Variants in SLC44A5 observed in about 807,000 individuals in gnomAD.
SLC44A5 encodes the protein solute carrier family 44 member 5, also known as choline transporter-like protein 5.
A neutral mutation model predicts 101.8 loss-of-function variants in SLC44A5; 57 were observed. That is an observed-to-expected ratio of 0.56 (90% CI 0.45 to 0.70). SLC44A5 has a LOEUF of 0.70. Ranked by LOEUF, SLC44A5 falls within the 30% of genes least tolerant of loss-of-function variation. The pLI is 0.00. For missense variants in SLC44A5, 737 were observed against 853.1 expected (o/e 0.86, Z 1.70); for synonymous variants, 281 against 290.9 (o/e 0.97, Z 0.35).
At chr1:75,503,520 A>C (rs560090190) in intron 2 of SLC44A5, among the ~76,000 whole-genome samples, 2 of 152,290 alleles carry the variant, frequency 1.3e-5, no homozygotes, top group East Asian at 3.9e-4. Context: ...AGGCGTCCCC[A>C]GTCATGCCTC....
chr1:75,665,711 T>C, the SLC44A5 span, among the ~76,000 whole-genome samples: 2 of 152,132 alleles, frequency 1.3e-5, no homozygotes, highest in Non-Finnish European at 2.9e-5. Flanking sequence ...CACAAACTAC[T>C]CATCCTAGAA....
the SLC44A5 span, among the ~76,000 whole-genome samples, chr1:75,658,555 C>A: frequency 6.6e-6 from 1 of 152,052 alleles, no homozygotes; most frequent in Admixed American, 6.6e-5. Context: ...ATTAAGAAAG[C>A]AATTACAACA....
At chr1:75,720,498 T>C in the SLC44A5 span, 1 of 152,216 alleles carries the variant, frequency 6.6e-6, no homozygotes, top group Admixed American at 6.5e-5. Context: ...GGCAAAAATG[T>C]AGATGAAAGA....
the SLC44A5 span, among the ~76,000 whole-genome samples, chr1:75,692,185 C>CTTT: frequency 0.23 from 19,829 of 84,784 alleles, 3,609 homozygotes; most frequent in Non-Finnish European, 0.28. Context: ...AGATGGGATT[C>CTTT]TTTTTTTTTT....
At chr1:75,570,761 T>C (rs1039741254) in intron 1 of SLC44A5, among the ~76,000 whole-genome samples, 2 of 152,148 alleles carry the variant, frequency 1.3e-5, no homozygotes, top group Non-Finnish European at 2.9e-5. Context: ...GAAGTAAGAC[T>C]GCCTAAAACC....
the SLC44A5 span, among the ~76,000 whole-genome samples, chr1:75,634,841 C>A: frequency 1.3e-5 from 2 of 152,038 alleles, no homozygotes; most frequent in Non-Finnish European, 2.9e-5. Flanking sequence ...TTCTGCACAG[C>A]AAAAGAAACT....
intron 23 of SLC44A5, among the ~76,000 whole-genome samples, chr1:75,211,112 C>T (rs1345870485): frequency 1.3e-5 from 2 of 152,068 alleles, no homozygotes; most frequent in Non-Finnish European, 2.9e-5. Flanking sequence ...ATGTGAGTGC[C>T]ATAATTTATT....
At chr1:75,539,484 G>C (rs1001317337) in intron 2 of SLC44A5, among the ~76,000 whole-genome samples, 1 of 152,014 alleles carries the variant, frequency 6.6e-6, no homozygotes, top group South Asian at 2.1e-4. Context: ...TCCAAGTGTT[G>C]TCCTATGAGT....
intron 2 of SLC44A5, among the ~76,000 whole-genome samples, chr1:75,450,437 T>C (rs1167443194): frequency 6.6e-6 from 1 of 152,220 alleles, no homozygotes; most frequent in Non-Finnish European, 1.5e-5. Context: ...AGCATTGCCA[T>C]GTAGGCACTT....
At chr1:75,654,246 A>C in the SLC44A5 span, among the ~76,000 whole-genome samples, 1 of 152,244 alleles carries the variant, frequency 6.6e-6, no homozygotes, top group East Asian at 1.9e-4. Flanking sequence ...GAATTATAAA[A>C]GGTTCTCGCT....
chr1:75,441,656 T>G (rs2101627985), intron 2 of SLC44A5, among the ~76,000 whole-genome samples: 1 of 152,188 alleles, frequency 6.6e-6, no homozygotes, highest in Non-Finnish European at 1.5e-5. Context: ...CTTCTAAAAC[T>G]TAAGAACACA....
chr1:75,612,307 TA>T (rs145556929), upstream of SLC44A5, among the ~76,000 whole-genome samples: 880 of 152,250 alleles, frequency 5.8e-3, 8 homozygotes, highest in African/African-American at 0.02. Flanking sequence ...TCATTGCACT[TA>T]AACTCTATAT....
intron 10 of SLC44A5, among the ~76,000 whole-genome samples, chr1:75,238,220 G>A (rs1184235361): frequency 6.7e-6 from 1 of 150,006 alleles, no homozygotes; most frequent in African/African-American, 2.4e-5. Flanking sequence ...GCTTGAACCG[G>A]GAAGGTGGAG....
At chr1:75,259,536 G>C (rs1319951642) in intron 6 of SLC44A5, among the ~76,000 whole-genome samples, 4 of 152,162 alleles carry the variant, frequency 2.6e-5, no homozygotes, top group African/African-American at 9.7e-5. Context: ...TATGTGAAAA[G>C]ACCAAATATA....
At chr1:75,313,654 G>A (rs1047462002) in intron 4 of SLC44A5, among the ~76,000 whole-genome samples, 1 of 152,092 alleles carries the variant, frequency 6.6e-6, no homozygotes, top group South Asian at 2.1e-4. Flanking sequence ...TGTATTTAAG[G>A]GAGCAAAGAC....
At chr1:75,259,406 G>A (rs1015491056) in intron 6 of SLC44A5, among the ~76,000 whole-genome samples, 1 of 152,060 alleles carries the variant, frequency 6.6e-6, no homozygotes, top group African/African-American at 2.4e-5. Context: ...TAGCAGAATC[G>A]ATCAAGTGGA....
intron 5 of SLC44A5, among the ~76,000 whole-genome samples, chr1:75,288,140 A>G (rs1158748059): frequency 1.3e-5 from 2 of 152,204 alleles, no homozygotes; most frequent in East Asian, 3.8e-4. Flanking sequence ...AAATAATTTC[A>G]CCATCTTTCT....
rs182166304 is a variant in SLC44A5, at chr1:75,261,028, T to G, written c.261-9734A>C. Among the ~76,000 whole-genome samples, 274 of 152,240 alleles carry G rather than the reference T, an allele frequency of 1.8e-3. 2 individuals are homozygous for G. The highest frequency in any genetic ancestry group is 6.4e-3 in the African/African-American group (264 of 41,530). ...TCTCTGGGACACATTTAAAGCAGTCTGTAGAGGGACATTTATAGCACCAAA... is the reference window on the plus strand; with the variant it reads ...TCTCTGGGACACATTTAAAGCAGTCGGTAGAGGGACATTTATAGCACCAAA... On this transcript the variant is annotated intron_variant, in intron 6 of 23. Coordinates refer to ENST00000370859, the MANE Select transcript of SLC44A5 (RefSeq NM_001130058.2).
intron 17 of SLC44A5, 56 bp from the exon 18 acceptor site, chr1:75,218,016 T>C: frequency 8.7e-7 from 1 of 1,149,428 alleles, no homozygotes; most frequent in Non-Finnish European, 1.3e-6. Context: ...TTTAAGGGGA[T>C]GCTAATTGAA....
Sources: allele counts gnomAD v4.1 joint callset (sites outside exome capture counted in the v4.1 genomes callset), GRCh38; gene constraint gnomAD v4.1.1; transcripts MANE v1.5; gene names NCBI Gene and HGNC (gene_info 2026-07-23, HGNC 2026-07-21).